RBBP8: variants seen among roughly 807,000 people sequenced by gnomAD.
RBBP8 encodes the protein DNA endonuclease RBBP8.
RBBP8 carries 88 observed loss-of-function variants against 108.3 expected under a neutral mutation model. The ratio of observed to expected loss-of-function variants is 0.81; its 90% CI spans 0.68 to 0.97. RBBP8 has a LOEUF of 0.97. Among genes scored for constraint, RBBP8 ranks in the 50% least tolerant of loss-of-function variants. The pLI, the probability that RBBP8 is intolerant of heterozygous loss-of-function variation, is 0.00. For missense variants in RBBP8, 1,023 were observed against 1,049.0 expected (o/e 0.98, Z 0.34); for synonymous variants, 332 against 348.2 (o/e 0.95, Z 0.52).
intron 12 of RBBP8, 131 bp downstream of exon 12, chr18:22,993,978 G>C (rs910196668): frequency 1.5e-5 from 12 of 818,942 alleles, no homozygotes; most frequent in Middle Eastern, 3.6e-4. Flanking sequence ...TGTATTTATA[G>C]GACGATTCTC....
chr18:22,992,903 T>A lies in RBBP8; in HGVS notation c.1076T>A (p.Leu359Gln). Reference protein sequence around the residue: ...SLLQPGKKKHLKTLPFSNTCI... With the variant: ...SLLQPGKKKHQKTLPFSNTCI... Reference sequence around the variant, plus strand: ...TTACAGCCTGGGAAAAAAAAACATCTGAAAACACTCCCTTTTAGCAACACT... The same window carrying A: ...TTACAGCCTGGGAAAAAAAAACATCAGAAAACACTCCCTTTTAGCAACACT... Residue 359 changes from leucine (L) to glutamine (Q), a missense_variant, in exon 11 of 19, where the codon CTG becomes CAG. Leu to Gln is a moderately radical substitution (Grantham distance 113). Coordinates refer to ENST00000327155, the MANE Select transcript of RBBP8 (RefSeq NM_002894.3). The A allele has an allele frequency of 6.2e-7, 1 of 1,613,994 alleles. No individual in the cohort carries two copies. Among genetic ancestry groups the A allele is most frequent in the Non-Finnish European group, 8.5e-7 (1 of 1,179,964 alleles).
At chr18:22,987,315 CAGGGATTGAAG>C (rs1190971736) in intron 8 of RBBP8, among the ~76,000 whole-genome samples, 4 of 152,082 alleles carry the variant, frequency 2.6e-5, no homozygotes, top group African/African-American at 4.8e-5. Context: ...GGGAGACTTA[CAGGGATTGAAG>C]AGAGGAGAAT....
chr18:23,003,045 C>T (rs1038850823), intron 15 of RBBP8, among the ~76,000 whole-genome samples: 5 of 152,218 alleles, frequency 3.3e-5, no homozygotes, highest in African/African-American at 1.2e-4. Flanking sequence ...AATTTCTTCT[C>T]ACTTAGCTTT....
At chr18:22,945,378 G>GTTTTA (rs1022274051) in intron 2 of RBBP8, among the ~76,000 whole-genome samples, 2 of 151,840 alleles carry the variant, frequency 1.3e-5, no homozygotes, top group Non-Finnish European at 2.9e-5. Context: ...ATTTTGTTTT[G>GTTTTA]TTTTATTTTA....
chr18:23,005,733 T>A (rs1179399272), intron 15 of RBBP8, among the ~76,000 whole-genome samples: 1 of 152,134 alleles, frequency 6.6e-6, no homozygotes, highest in Non-Finnish European at 1.5e-5. Flanking sequence ...TTGAAAGCTG[T>A]CTTTTGTTGT....
At chr18:22,916,549 T>C (rs115323448) in intron 2 of RBBP8, among the ~76,000 whole-genome samples, 3 of 152,020 alleles carry the variant, frequency 2.0e-5, no homozygotes, top group Non-Finnish European at 4.4e-5. Flanking sequence ...AAAGGTAAAA[T>C]TATGTTGTAT....
chr18:22,966,626 G>T (rs1598676505), intron 4 of RBBP8, among the ~76,000 whole-genome samples: 1 of 141,044 alleles, frequency 7.1e-6, no homozygotes, highest in South Asian at 2.3e-4. Flanking sequence ...TGCTTTAGTT[G>T]TATACTTTTC....
chr18:22,987,318 G>T (rs1430301465), intron 8 of RBBP8, among the ~76,000 whole-genome samples: 1 of 152,058 alleles, frequency 6.6e-6, no homozygotes, highest in Non-Finnish European at 1.5e-5. Flanking sequence ...AGACTTACAG[G>T]GATTGAAGAG....
At chr18:23,022,623 A>AAAATAAAATAAAATAAAATAAAATAAAAT (rs2046369202) in intron 18 of RBBP8, among the ~76,000 whole-genome samples, 1 of 50,424 alleles carries the variant, frequency 2.0e-5, no homozygotes, top group African/African-American at 3.6e-5. Flanking sequence ...AAAATAAAAT[A>AAAATAAAATAAAATAAAATAAAATAAAAT]AAATAAAATA....
intron 3 of RBBP8, among the ~76,000 whole-genome samples, chr18:22,925,226 A>G (rs1205467275): frequency 2.0e-5 from 3 of 152,204 alleles, no homozygotes; most frequent in Non-Finnish European, 4.4e-5. Context: ...ACAAACTGTC[A>G]CCAAGAGTAT....
chr18:22,961,316 C>A (rs1348745338), intron 4 of RBBP8, among the ~76,000 whole-genome samples: 1 of 152,152 alleles, frequency 6.6e-6, no homozygotes, highest in Non-Finnish European at 1.5e-5. Context: ...GGGGGCCCAG[C>A]TATACAGGTA....
At chr18:22,914,830 T>TG (rs1380967044) in intron 1 of RBBP8, among the ~76,000 whole-genome samples, 7 of 152,136 alleles carry the variant, frequency 4.6e-5, no homozygotes, top group Admixed American at 4.6e-4. Flanking sequence ...TGGTAACTGA[T>TG]TAACTATTGG....
At chr18:22,988,934 T>A (rs1158458391) in intron 8 of RBBP8, among the ~76,000 whole-genome samples, 1 of 152,214 alleles carries the variant, frequency 6.6e-6, no homozygotes, top group African/African-American at 2.4e-5. Context: ...ATTTTAAGAT[T>A]TTTTTCCCCA....
intron 3 of RBBP8, among the ~76,000 whole-genome samples, chr18:22,927,307 G>A (rs1473825943): frequency 6.6e-6 from 1 of 152,186 alleles, no homozygotes. Flanking sequence ...TGGAGACACA[G>A]GCACTTAATG....
chr18:22,930,178 T>C (rs930910), upstream of RBBP8, among the ~76,000 whole-genome samples: 103,013 of 152,068 alleles, frequency 0.68, 35,799 homozygotes, highest in Middle Eastern at 0.84. Flanking sequence ...ATATACATAA[T>C]GTAAACTTAC....
intron 4 of RBBP8, among the ~76,000 whole-genome samples, chr18:22,957,607 G>A (rs1477919086): frequency 6.6e-6 from 1 of 151,898 alleles, no homozygotes; most frequent in African/African-American, 2.4e-5. Context: ...CCCTTTACCT[G>A]TTACATAGCT....
chr18:22,974,870 A>G (rs1156353325), intron 5 of RBBP8, among the ~76,000 whole-genome samples: 1 of 152,206 alleles, frequency 6.6e-6, no homozygotes, highest in African/African-American at 2.4e-5. Context: ...CTCAGTATGT[A>G]TAATTATACT....
intron 13 of RBBP8, among the ~76,000 whole-genome samples, chr18:22,996,798 AC>A (rs1417886419): frequency 6.6e-6 from 1 of 152,152 alleles, no homozygotes; most frequent in Non-Finnish European, 1.5e-5. Context: ...GGAATTCGAG[AC>A]CAGCCTGGGC....
intron 4 of RBBP8, among the ~76,000 whole-genome samples, chr18:22,961,678 T>G (rs776988901): frequency 3.9e-5 from 6 of 152,202 alleles, no homozygotes; most frequent in Non-Finnish European, 8.8e-5. Flanking sequence ...CTTTTATTTT[T>G]TAAGCTCATC....
Sources: gnomAD v4.1 joint callset for allele counts (sites outside exome capture counted in the v4.1 genomes callset) on GRCh38, gnomAD v4.1.1 for gene constraint, MANE v1.5 for transcripts, NCBI Gene and HGNC (gene_info 2026-07-23, HGNC 2026-07-21) for gene names.